The following PGAP4 variants were observed in gnomAD, a reference collection of about 807,000 sequenced individuals.
PGAP4 encodes the protein post-GPI attachment to proteins GalNAc transferase 4, also known as GPI-N-acetylgalactosamine transferase PGAP4.
Under a neutral mutation model 28.2 loss-of-function variants are expected in PGAP4, and 12 were observed. The observed-to-expected ratio is 0.42, with a 90% CI of 0.27 to 0.69. The LOEUF is 0.69. Ranked by LOEUF, PGAP4 falls within the 30% of genes least tolerant of loss-of-function variation. PGAP4 has a pLI of 0.22. For synonymous variants in PGAP4, 205 were observed against 211.8 expected (o/e 0.97, Z 0.28); for missense variants, 425 against 513.5 (o/e 0.83, Z 1.67).
At chr9:101,507,021 T>A (rs997169426) in intron 2 of PGAP4, among the ~76,000 whole-genome samples, 5 of 152,110 alleles carry the variant, frequency 3.3e-5, no homozygotes, top group African/African-American at 1.2e-4. Flanking sequence ...GGTATACCTA[T>A]GATTAACCTT....
chr9:101,509,621 G>A (rs997472998), intron 2 of PGAP4, among the ~76,000 whole-genome samples: 2 of 152,300 alleles, frequency 1.3e-5, no homozygotes, highest in Admixed American at 1.3e-4. Context: ...TGCACAAACA[G>A]ACATCAGTTA....
At chr9:101,503,870 A>T (rs537303292) in intron 2 of PGAP4, among the ~76,000 whole-genome samples, 4 of 152,172 alleles carry the variant, frequency 2.6e-5, no homozygotes, top group Admixed American at 2.0e-4. Context: ...TTCTGCTTTT[A>T]AAAAATTGGA....
At chr9:101,488,361 G>C (rs1113384), upstream of PGAP4, among the ~76,000 whole-genome samples, 1 of 152,054 alleles carries the variant, frequency 6.6e-6, no homozygotes, top group East Asian at 1.9e-4. Flanking sequence ...CTGATATTCC[G>C]AAATTGGAGG....
chr9:101,511,800 C>T (rs746493016), intron 2 of PGAP4, among the ~76,000 whole-genome samples: 2 of 152,134 alleles, frequency 1.3e-5, no homozygotes, highest in Non-Finnish European at 2.9e-5. Context: ...AATTAGATTT[C>T]AATTAACTCC....
chr9:101,512,335 A>T (rs1826904986), intron 2 of PGAP4, among the ~76,000 whole-genome samples: 1 of 152,166 alleles, frequency 6.6e-6, no homozygotes, highest in East Asian at 1.9e-4. Flanking sequence ...GAAAGGGCCC[A>T]GTTACCCTGA....
intron 2 of PGAP4, among the ~76,000 whole-genome samples, chr9:101,500,656 T>C (rs1419467627): frequency 1.3e-5 from 2 of 151,950 alleles, no homozygotes; most frequent in East Asian, 3.9e-4. Flanking sequence ...TGAAAGTCAT[T>C]GTGAGTCCTT....
chr9:101,518,691 C>T (rs375658964), intron 2 of PGAP4, among the ~76,000 whole-genome samples: 33 of 152,164 alleles, frequency 2.2e-4, no homozygotes, highest in African/African-American at 7.2e-4. Context: ...ATATACATAC[C>T]ATAATTTATT....
At chr9:101,501,953 G>A (rs768221378) in intron 2 of PGAP4, 2 of 319,644 alleles carry the variant, frequency 6.3e-6, no homozygotes, top group Non-Finnish European at 1.2e-5. Flanking sequence ...GGGCTAAGTA[G>A]TATCTGCTGG....
chr9:101,525,581 CCTG>C lies in PGAP4; in HGVS notation c.-165+5764_-165+5766del, dbSNP rs570760708. 2.8e-3 allele frequency among the ~76,000 whole-genome samples: 431 copies of C among 151,532 alleles called. 8 individuals carry two copies. The highest frequency in any genetic ancestry group is 3.0e-3 in the Non-Finnish European group (204 of 67,890). ...AATTAGCCAGGTGTGGTGACAGGTG[CCTG>C]TAATCTCAGCTACTCAGGAAGCTAA... is the stretch of plus-strand genomic sequence containing the variant. On this transcript the variant is annotated intron_variant, in intron 2 of 3. Transcript: ENST00000374851.
chr9:101,500,968 A>C (rs1005039391), intron 2 of PGAP4, among the ~76,000 whole-genome samples: 1 of 152,062 alleles, frequency 6.6e-6, no homozygotes, highest in Non-Finnish European at 1.5e-5. Flanking sequence ...ATTCTATTCC[A>C]GTGTATAGAC....
intron 2 of PGAP4, among the ~76,000 whole-genome samples, chr9:101,505,892 T>C (rs1351628125): frequency 6.6e-6 from 1 of 152,146 alleles, no homozygotes; most frequent in Non-Finnish European, 1.5e-5. Flanking sequence ...TGATTATAGC[T>C]GAATATTTTG....
In PGAP4 at chr9:101,476,509, AGGCAATAG is replaced by A. The variant is rs1408147193; in HGVS notation, c.576_583del (p.Tyr193GlyfsTer39). ...GTTGTAGGTCTGCAGGGATGACTCCAGGCAATAGACATAGTCCTGCTTCTCTTTCTCAA... is the reference window on the plus strand; with the variant it reads ...GTTGTAGGTCTGCAGGGATGACTCCAACATAGTCCTGCTTCTCTTTCTCAA... On this transcript the variant is annotated frameshift_variant, in exon 2 of 2. Transcript: ENST00000374848. LOFTEE classifies it high-confidence loss of function. This position sits in a 1 kb window ranked among gnomAD's most constrained non-coding sequence, Gnocchi z 7.0. The A allele has an allele frequency of 6.2e-7, 1 of 1,614,094 alleles. No homozygotes were observed. The highest frequency in any genetic ancestry group is 8.5e-7 in the Non-Finnish European group (1 of 1,180,046).
intron 2 of PGAP4, among the ~76,000 whole-genome samples, chr9:101,518,456 A>G (rs908807711): frequency 1.3e-5 from 2 of 152,082 alleles, no homozygotes; most frequent in Non-Finnish European, 2.9e-5. Flanking sequence ...CAAGTCCCCA[A>G]TATCCATTGT....
chr9:101,507,146 C>T (rs970703622), intron 2 of PGAP4, among the ~76,000 whole-genome samples: 1 of 152,062 alleles, frequency 6.6e-6, no homozygotes, highest in African/African-American at 2.4e-5. Flanking sequence ...CCTCCTATTC[C>T]TCTCAAGTGC....
chr9:101,519,651 A>G (rs1385711666), intron 2 of PGAP4, among the ~76,000 whole-genome samples: 1 of 150,284 alleles, frequency 6.7e-6, no homozygotes, highest in African/African-American at 2.4e-5. Flanking sequence ...GTATATATAT[A>G]CATACATATA....
upstream of PGAP4, among the ~76,000 whole-genome samples, chr9:101,491,839 A>ATC (rs1826692897): frequency 8.1e-6 from 1 of 124,016 alleles, no homozygotes; most frequent in Non-Finnish European, 1.8e-5. Context: ...ATATATATAT[A>ATC]TATATATATT....
chr9:101,486,689 C>A lies in PGAP4; in HGVS notation c.-78+260G>T, dbSNP rs1163491003. 6.6e-6 allele frequency among the ~76,000 whole-genome samples: 1 copy of A among 152,106 alleles called. No homozygotes were observed. The highest frequency in any genetic ancestry group is 6.5e-5 in the Admixed American group (1 of 15,282). ...ATCCCCGCACTGATGCGGGCCCCTGCTGCCCTGGGGACCCCTGCGGGGTCC... is the reference window on the plus strand; with the variant it reads ...ATCCCCGCACTGATGCGGGCCCCTGATGCCCTGGGGACCCCTGCGGGGTCC... On this transcript the variant is annotated intron_variant, in intron 1 of 1. Coordinates refer to ENST00000374848, the MANE Select transcript of PGAP4 (RefSeq NM_032342.3). The surrounding 1 kb of genome is among the most constrained non-coding windows in gnomAD (Gnocchi z 4.7).
At chr9:101,521,779 C>T (rs1307189947) in intron 2 of PGAP4, among the ~76,000 whole-genome samples, 1 of 151,906 alleles carries the variant, frequency 6.6e-6, no homozygotes, top group African/African-American at 2.4e-5. Flanking sequence ...GTTCTTGTTT[C>T]TTAGTTCCTT....
Position 101,476,948 on chromosome 9 carries a change from AGT to A in PGAP4, c.143_144del (p.His48LeufsTer26). 1 of 1,614,094 alleles carries A rather than the reference AGT, an allele frequency of 6.2e-7. No individual in the cohort carries two copies. On this transcript the variant is annotated frameshift_variant, in exon 2 of 2. Transcript: ENST00000374848. LOFTEE classifies it high-confidence loss of function. This position sits in a 1 kb window ranked among gnomAD's most constrained non-coding sequence, Gnocchi z 7.0. ...TGCCAATGGCGCAGATAGAAGTAAG[AGT>A]GTAGAAGTCGGTGACAGGCCAGGGG... ...LAPLACHRLL[H>X]SYFYLRHWHL...
Sources: allele counts gnomAD v4.1 joint callset (sites outside exome capture counted in the v4.1 genomes callset), GRCh38; gene constraint gnomAD v4.1.1; non-coding constraint Gnocchi (gnomAD v3.1); transcripts MANE v1.5; gene names NCBI Gene and HGNC (gene_info 2026-07-23, HGNC 2026-07-21).